TRPM7: variants seen among roughly 807,000 people sequenced by gnomAD.
TRPM7 encodes the protein transient receptor potential cation channel subfamily M member 7, also known as LTRPC ion channel family member 7.
In TRPM7, 134 loss-of-function variants were observed where a neutral mutation model predicts 229.7. The observed-to-expected ratio is 0.58, with a 90% CI of 0.51 to 0.67. TRPM7 has a LOEUF of 0.67. Among genes scored for constraint, TRPM7 ranks in the 30% least tolerant of loss-of-function variants. TRPM7 has a pLI of 0.00. For missense variants in TRPM7, 1,901 were observed against 2,210.0 expected, an observed-to-expected ratio of 0.86 and a Z score of 2.80; for synonymous variants, 699 against 715.2, an observed-to-expected ratio of 0.98 and a Z score of 0.36.
Position 50,619,759 on chromosome 15 carries a change from G to C in TRPM7, c.1480C>G (p.Arg494Gly). Residue 494 changes from arginine (R) to glycine (G), a missense_variant, in exon 13 of 39, where the codon CGA (arginine) becomes GGA (glycine). This residue lies in a region of TRPM7 where 794 missense variants were observed against 881.9 expected (regional missense o/e 0.90). Transcript: ENST00000646667. ...TAATCTCTTACCTGTTTGACGTCTC[G>C]AACAAGATGAAACAGCATTGGATTA... The part of the protein sequence containing the change: ...PTNPMLFHLV[R>G]DVKQGNLPPG... 6.3e-7 allele frequency: 1 copy of C among 1,594,860 alleles called. No homozygotes were observed. The highest frequency in any genetic ancestry group is 1.2e-5 in the South Asian group (1 of 85,368).
At chr15:50,669,942 T>C (rs563202279) in intron 1 of TRPM7, among the ~76,000 whole-genome samples, 30 of 152,340 alleles carry the variant, frequency 2.0e-4, no homozygotes, top group African/African-American at 7.0e-4. Context: ...CTTATTTTGC[T>C]TTACTGTTAT....
rs1336026269 is a variant in TRPM7 at position 50,574,848 on chromosome 15, T to A, written c.5019+4A>T. On this transcript the variant is annotated splice_donor_region_variant and intron_variant, in intron 34 of 38. Transcript: ENST00000646667. ...TCCACTATTAAATATTCACTGACAC[T>A]TACTCTCAGACAGAGATGCAGAACT... 6.2e-7 allele frequency: 1 copy of A among 1,607,278 alleles called. No homozygotes were observed.
chr15:50,658,116 T>C (rs965163418), intron 2 of TRPM7, among the ~76,000 whole-genome samples: 3 of 151,384 alleles, frequency 2.0e-5, no homozygotes, highest in African/African-American at 7.3e-5. Context: ...ACCACTCTCC[T>C]GCCTCAGCCT....
At chr15:50,623,196 G>A (rs573049218) in intron 12 of TRPM7, among the ~76,000 whole-genome samples, 4 of 151,442 alleles carry the variant, frequency 2.6e-5, no homozygotes, top group South Asian at 4.2e-4. Context: ...GGCAGATCAC[G>A]AGGTCAAGAG....
At chr15:50,683,863 G>A (rs895634149) in intron 1 of TRPM7, among the ~76,000 whole-genome samples, 2 of 152,044 alleles carry the variant, frequency 1.3e-5, no homozygotes, top group African/African-American at 4.8e-5. Context: ...TATGAAACTA[G>A]AATCTGATCA....
At chr15:50,675,804 T>A (rs935026119) in intron 1 of TRPM7, among the ~76,000 whole-genome samples, 3 of 152,206 alleles carry the variant, frequency 2.0e-5, no homozygotes, top group Non-Finnish European at 4.4e-5. Context: ...AGTAACTATA[T>A]CCACAGAATG....
Position 50,560,277 on chromosome 15 carries a change from TTAAAC to T in TRPM7, c.*1396_*1400del, listed in dbSNP as rs1333424862. 6.6e-6 allele frequency: 1 copy of T among 152,594 alleles called. No homozygotes were observed. Among genetic ancestry groups the T allele is most frequent in the Non-Finnish European group, 1.5e-5 (1 of 68,038 alleles). The allele number at this position is 152,594 out of a possible 1,614,324, so 9.5% of individuals were successfully genotyped here. ...AATGTCAGATAATTTTTCAGAATGATTAAACTCACTAAACATCTGTAAACAATAAA... is the reference window on the plus strand; with the variant it reads ...AATGTCAGATAATTTTTCAGAATGATTCACTAAACATCTGTAAACAATAAA... On this transcript the variant is annotated 3_prime_UTR_variant, in exon 39 of 39. Transcript: ENST00000646667.
At chr15:50,625,528 C>G (rs2060531529) in intron 11 of TRPM7, among the ~76,000 whole-genome samples, 1 of 152,122 alleles carries the variant, frequency 6.6e-6, no homozygotes, top group South Asian at 2.1e-4. Context: ...CCCACCTCAG[C>G]CTCCCACGTA....
chr15:50,658,097 C>T (rs527881532), intron 2 of TRPM7, among the ~76,000 whole-genome samples: 2 of 151,698 alleles, frequency 1.3e-5, no homozygotes, highest in South Asian at 2.1e-4. Context: ...CTCCGCCTCC[C>T]GGGTTCACAC....
chr15:50,634,024 A>T (rs1237233786), intron 8 of TRPM7, among the ~76,000 whole-genome samples: 2 of 152,218 alleles, frequency 1.3e-5, no homozygotes. Context: ...ACTTTAATAA[A>T]TTCATTAAAA....
In TRPM7 at chr15:50,643,436, C is replaced by G; in HGVS notation, c.439G>C (p.Glu147Gln). 6.2e-7 allele frequency: 1 copy of G among 1,614,190 alleles called. No individual in the cohort carries two copies. The highest frequency in any genetic ancestry group is 8.5e-7 in the Non-Finnish European group (1 of 1,180,036). Residue 147 changes from glutamate to glutamine, a missense_variant, in exon 5 of 39, where the codon GAG (glutamate) becomes CAG (glutamine). This residue lies in a region of TRPM7 where 794 missense variants were observed against 881.9 expected (regional missense o/e 0.90). Transcript: ENST00000646667. ...AACTGCTTGATTCGTGGGTGAAGCTCAAATTTCTGCATGCCCCCATGTACA... is the reference window on the plus strand; with the variant it reads ...AACTGCTTGATTCGTGGGTGAAGCTGAAATTTCTGCATGCCCCCATGTACA... The part of the protein sequence containing the change: ...ISVHGGMQKF[E>Q]LHPRIKQLLG...
intron 19 of TRPM7, among the ~76,000 whole-genome samples, chr15:50,608,409 G>C (rs17520378): frequency 0.13 from 20,237 of 152,158 alleles, 1,903 homozygotes; most frequent in Non-Finnish European, 0.2. Context: ...CCTAGAATAA[G>C]TCACATCCTT....
intron 36 of TRPM7, 68 bp downstream of exon 36, chr15:50,574,206 T>C (rs919865561): frequency 8.1e-7 from 1 of 1,235,212 alleles, no homozygotes; most frequent in Middle Eastern, 2.2e-4. Context: ...TAGCAGATTC[T>C]GTATAACATA....
At chr15:50,642,023 A>G (rs558572008) in intron 5 of TRPM7, among the ~76,000 whole-genome samples, 1 of 151,934 alleles carries the variant, frequency 6.6e-6, no homozygotes, top group East Asian at 1.9e-4. Context: ...AAAGTTGCTG[A>G]TAATGAATTA....
At chr15:50,686,139 G>T (rs1324809645) in intron 1 of TRPM7, among the ~76,000 whole-genome samples, 4 of 152,128 alleles carry the variant, frequency 2.6e-5, no homozygotes, top group Non-Finnish European at 4.4e-5. Flanking sequence ...TTATCTGCCA[G>T]CAACTGGCGC....
intron 22 of TRPM7, 28 bp downstream of exon 22, chr15:50,599,094 G>C (rs1015880060): frequency 6.6e-7 from 1 of 1,509,156 alleles, no homozygotes; most frequent in African/African-American, 1.4e-5. Context: ...ATAACCAAAA[G>C]ATAAATCTGT....
chr15:50,641,301 C>T (rs975107011), intron 5 of TRPM7, among the ~76,000 whole-genome samples: 1 of 152,192 alleles, frequency 6.6e-6, no homozygotes, highest in Non-Finnish European at 1.5e-5. Context: ...TACACCAGAA[C>T]TTCTGACTTC....
chr15:50,681,588 A>G (rs2062240701), intron 1 of TRPM7, among the ~76,000 whole-genome samples: 1 of 152,184 alleles, frequency 6.6e-6, no homozygotes, highest in Admixed American at 6.6e-5. Flanking sequence ...CAGAAAACTA[A>G]GCCTGTTAAA....
chr15:50,581,385 G>C (rs2054402328), intron 29 of TRPM7, among the ~76,000 whole-genome samples: 1 of 151,974 alleles, frequency 6.6e-6, no homozygotes, highest in African/African-American at 2.4e-5. Context: ...TATAATCCCA[G>C]CTACTTGGGA....
Sources: gnomAD v4.1 joint callset for allele counts (sites outside exome capture counted in the v4.1 genomes callset) on GRCh38, gnomAD v4.1.1 for gene constraint, gnomAD v4.1.1 regional missense constraint, MANE v1.5 for transcripts, NCBI Gene and HGNC (gene_info 2026-07-23, HGNC 2026-07-21) for gene names.